VAV2: variants seen among roughly 807,000 people sequenced by gnomAD.
VAV2 encodes the protein guanine nucleotide exchange factor VAV2.
A neutral mutation model predicts 132.5 loss-of-function variants in VAV2; 67 were observed. The observed-to-expected ratio is 0.51, with a 90% CI of 0.42 to 0.62. VAV2 has a LOEUF of 0.62. Ranked by LOEUF, VAV2 falls within the 20% of genes least tolerant of loss-of-function variation. The pLI, the probability that VAV2 is intolerant of heterozygous loss-of-function variation, is 0.00. For missense variants in VAV2, 938 were observed against 1,153.6 expected (o/e 0.81, Z 2.71); for synonymous variants, 492 against 443.5 (o/e 1.11, Z -1.37).
intron 2 of VAV2, among the ~76,000 whole-genome samples, chr9:133,915,763 ACACACAATG>A (rs1243778078): frequency 7.7e-6 from 1 of 130,082 alleles, no homozygotes; most frequent in African/African-American, 3.6e-5. Context: ...ATGCACACAT[ACACACAATG>A]CACACACGCA....
intron 2 of VAV2, among the ~76,000 whole-genome samples, chr9:133,900,027 A>T (rs1402374079): frequency 2.8e-5 from 3 of 105,284 alleles, no homozygotes; most frequent in Non-Finnish European, 5.9e-5. Context: ...TCTCAAAAAA[A>T]ATAAATAAAT....
At chr9:133,809,651 A>C (rs1020979838) in intron 6 of VAV2, among the ~76,000 whole-genome samples, 3 of 152,194 alleles carry the variant, frequency 2.0e-5, no homozygotes, top group Non-Finnish European at 4.4e-5. Context: ...ACTGGTTTCT[A>C]GCCAGGGGGC....
intron 1 of VAV2, among the ~76,000 whole-genome samples, chr9:133,982,274 C>T (rs568921676): frequency 1.5e-4 from 22 of 148,600 alleles, no homozygotes; most frequent in Admixed American, 1.3e-3. Flanking sequence ...GACGGCCGGC[C>T]GGCAGGAGGG....
At position 133,822,876 on chromosome 9, in the gene VAV2, C is replaced by T. The variant is rs538943045; in HGVS notation, c.450-10660G>A. Among the ~76,000 whole-genome samples the T allele has an allele frequency of 3.5e-4, 54 of 152,340 alleles. No individual in the cohort carries two copies. The Middle Eastern group carries it at 0.01, about 29-fold the overall frequency. ...TGTCCCGGGCCACAGCACAGGGTTT[C>T]ATTTCCCCCTCTGCTATGTGAGGCA... On this transcript the variant is annotated intron_variant, in intron 4 of 29. Transcript: ENST00000371850.
chr9:133,765,565 AG>A (rs1833403613), intron 29 of VAV2, among the ~76,000 whole-genome samples: 1 of 152,238 alleles, frequency 6.6e-6, no homozygotes, highest in East Asian at 1.9e-4. Context: ...AGAAAGACTG[AG>A]GAATATTCCA....
intron 2 of VAV2, among the ~76,000 whole-genome samples, chr9:133,872,755 CA>C (rs1838109460): frequency 6.8e-6 from 1 of 146,902 alleles, no homozygotes; most frequent in Non-Finnish European, 1.5e-5. Flanking sequence ...CCACTCCAAC[CA>C]TGGGGCTCTG....
At chr9:133,908,409 C>T (rs964742857) in intron 2 of VAV2, among the ~76,000 whole-genome samples, 7 of 152,048 alleles carry the variant, frequency 4.6e-5, no homozygotes, top group African/African-American at 1.4e-4. Context: ...CCAGTGGGGG[C>T]CCTCGGTCAC....
In VAV2 at chr9:133,928,257, G is replaced by T. The variant is rs1174099205; in HGVS notation, c.321+10846C>A. ...TCTGTGCCCATGTGCAGCATATCTG[G>T]TTGTCAAGTTCATCTGAAAGTGGGT... On this transcript the variant is annotated intron_variant, in intron 2 of 29. Coordinates refer to ENST00000371850, the MANE Select transcript of VAV2 (RefSeq NM_001134398.2). This position sits in a 1 kb window ranked among gnomAD's most constrained non-coding sequence, Gnocchi z 5.4. Among the ~76,000 whole-genome samples, 1 of 152,058 alleles carries T rather than the reference G, an allele frequency of 6.6e-6. No homozygotes were observed. The highest frequency in any genetic ancestry group is 6.6e-5 in the Admixed American group (1 of 15,256).
At chr9:133,985,567 C>T (rs1002843749) in intron 1 of VAV2, among the ~76,000 whole-genome samples, 6 of 152,200 alleles carry the variant, frequency 3.9e-5, no homozygotes, top group African/African-American at 1.4e-4. Flanking sequence ...CAGGCATGAG[C>T]CATCGCGCCC....
intron 13 of VAV2, among the ~76,000 whole-genome samples, chr9:133,791,493 G>T (rs1834458800): frequency 6.6e-6 from 1 of 152,148 alleles, no homozygotes; most frequent in Non-Finnish European, 1.5e-5. Context: ...GGGAGAAGGG[G>T]GGCTGGGCAA....
intron 1 of VAV2, among the ~76,000 whole-genome samples, chr9:133,984,547 A>C (rs1842792782): frequency 6.6e-6 from 1 of 152,168 alleles, no homozygotes; most frequent in African/African-American, 2.4e-5. Context: ...CAGGAGTTTA[A>C]GGCTGCAGTG....
intron 2 of VAV2, among the ~76,000 whole-genome samples, chr9:133,898,120 TGAG>T (rs1839286555): frequency 6.6e-6 from 1 of 151,842 alleles, no homozygotes; most frequent in Admixed American, 6.6e-5. Flanking sequence ...CCGGGTACCC[TGAG>T]GCTGGGAGGG....
At chr9:133,971,334 C>T (rs913487438) in intron 1 of VAV2, among the ~76,000 whole-genome samples, 8 of 152,176 alleles carry the variant, frequency 5.3e-5, no homozygotes, top group Admixed American at 3.9e-4. Flanking sequence ...CAGGGGCAGC[C>T]GCAAGCAGGC....
Position 133,917,434 on chromosome 9 carries a change from ACT to A in VAV2, c.321+21667_321+21668del, listed in dbSNP as rs1335610044. Among the ~76,000 whole-genome samples, 5 of 102,718 alleles carry A rather than the reference ACT, an allele frequency of 4.9e-5. No homozygotes were observed. In the East Asian group the frequency reaches 1.4e-3, roughly 28 times the overall value. 67.4% of individuals were successfully genotyped at this position (102,718 alleles called of 152,430 possible). On this transcript the variant is annotated intron_variant, in intron 2 of 29. Coordinates refer to ENST00000371850, the MANE Select transcript of VAV2 (RefSeq NM_001134398.2). ...GAACCCATCATGAGAAAAACAGAAA[ACT>A]CTTTCTTTTTTTTTTTTTTTGGCTA...
At chr9:133,890,355 C>A (rs748675941) in intron 2 of VAV2, among the ~76,000 whole-genome samples, 1 of 152,214 alleles carries the variant, frequency 6.6e-6, no homozygotes, top group Non-Finnish European at 1.5e-5. Context: ...CAGGAGGAAT[C>A]GTGGCTGTGA....
In VAV2 at chr9:133,919,108, C is replaced by T. The variant is rs1840207361; in HGVS notation, c.321+19995G>A. On this transcript the variant is annotated intron_variant, in intron 2 of 29. Coordinates refer to ENST00000371850, the MANE Select transcript of VAV2 (RefSeq NM_001134398.2). The surrounding 1 kb of genome is among the most constrained non-coding windows in gnomAD (Gnocchi z 5.8). ...TTTTAAAGACTTCCCCACATCCCAT[C>T]CTCACACTTTCTTCACTGACCTAGC... Among the ~76,000 whole-genome samples the T allele has an allele frequency of 6.6e-6, 1 of 152,118 alleles. No individual in the cohort carries two copies. Among genetic ancestry groups the T allele is most frequent in the Non-Finnish European group, 1.5e-5 (1 of 68,012 alleles).
intron 3 of VAV2, among the ~76,000 whole-genome samples, chr9:133,855,248 G>C (rs1837341221): frequency 6.6e-6 from 1 of 152,256 alleles, no homozygotes; most frequent in Admixed American, 6.5e-5. Flanking sequence ...TGTGCAGAGA[G>C]GATAGCACAT....
At chr9:133,880,424 T>C (rs527295323) in intron 2 of VAV2, among the ~76,000 whole-genome samples, 1 of 152,230 alleles carries the variant, frequency 6.6e-6, no homozygotes, top group East Asian at 1.9e-4. Context: ...CATGGGGAAC[T>C]CCCAGGTCAG....
chr9:133,904,329 C>T (rs1839559126), intron 2 of VAV2, among the ~76,000 whole-genome samples: 1 of 152,284 alleles, frequency 6.6e-6, no homozygotes, highest in East Asian at 1.9e-4. Context: ...CAGAAGAATC[C>T]CAAGTCCTCC....
Sources: gnomAD v4.1 joint callset for allele counts (sites outside exome capture counted in the v4.1 genomes callset) on GRCh38, gnomAD v4.1.1 for gene constraint, Gnocchi (gnomAD v3.1) non-coding constraint, MANE v1.5 for transcripts, NCBI Gene and HGNC (gene_info 2026-07-23, HGNC 2026-07-21) for gene names.